Variants in HSP90AA1 observed in about 807,000 individuals in gnomAD.
HSP90AA1 encodes heat shock protein 90 alpha family class A member 1.
Under a neutral mutation model 73.3 loss-of-function variants are expected in HSP90AA1, and 18 were observed. The observed-to-expected ratio is 0.25, with a 90% CI of 0.17 to 0.36. HSP90AA1 has a LOEUF of 0.36. HSP90AA1 is among the 10% of genes least tolerant of loss of function. HSP90AA1 has a pLI of 1.00. For synonymous variants in HSP90AA1, 477 were observed against 296.9 expected (o/e 1.61, Z -6.24); for missense variants, 704 against 874.2 (o/e 0.81, Z 2.45).
intron 2 of HSP90AA1, among the ~76,000 whole-genome samples, chr14:102,093,194 T>TAA (rs199529961): frequency 5.9e-4 from 87 of 146,902 alleles, no homozygotes; most frequent in African/African-American, 1.4e-3. Flanking sequence ...AAAAGTAAAT[T>TAA]AAAAAATATA....
At chr14:102,114,178 T>C (rs182957819) in intron 1 of HSP90AA1, among the ~76,000 whole-genome samples, 1 of 151,634 alleles carries the variant, frequency 6.6e-6, no homozygotes, top group Non-Finnish European at 1.5e-5. Flanking sequence ...TTAGTAGAGA[T>C]GGGGTTCACC....
intron 1 of HSP90AA1, among the ~76,000 whole-genome samples, chr14:102,120,381 C>T (rs540860767): frequency 6.6e-6 from 1 of 152,054 alleles, no homozygotes; most frequent in South Asian, 2.1e-4. Context: ...GAAAAGAATA[C>T]AGATGATTAT....
In HSP90AA1 at chr14:102,100,666, C is replaced by T. The variant is rs549691619; in HGVS notation, c.366+1209G>A. ...TCTCAAACTCCCAACCTCAGGTGAT[C>T]TGCCCGCCTGGGCCTCCCAAACTGC... On this transcript the variant is annotated intron_variant, in intron 2 of 11. Coordinates refer to the HSP90AA1 transcript ENST00000334701. Among the ~76,000 whole-genome samples, 510 of 152,336 alleles carry T rather than the reference C, an allele frequency of 3.3e-3. 5 individuals are homozygous for T. The highest frequency in any genetic ancestry group is 0.012 in the African/African-American group (492 of 41,578).
intron 1 of HSP90AA1, among the ~76,000 whole-genome samples, chr14:102,110,053 C>G (rs2049618752): frequency 6.6e-6 from 1 of 152,104 alleles, no homozygotes; most frequent in Non-Finnish European, 1.5e-5. Flanking sequence ...TCTGCCTCAG[C>G]CTCCTGAGTA....
chr14:102,088,719 G>T (rs551015984), upstream of HSP90AA1, among the ~76,000 whole-genome samples: 14 of 152,158 alleles, frequency 9.2e-5, no homozygotes, highest in East Asian at 2.7e-3. Flanking sequence ...GCGGGTCGCT[G>T]AAGGGGCGCA....
chr14:102,098,709 G>T (rs1423394046), intron 2 of HSP90AA1, among the ~76,000 whole-genome samples: 1 of 151,610 alleles, frequency 6.6e-6, no homozygotes, highest in African/African-American at 2.4e-5. Context: ...TGATCTGCCT[G>T]CCTTGGTCCC....
At chr14:102,082,618 T>A in intron 9 of HSP90AA1, 174 bp from the exon 10 acceptor site, 1 of 636,950 alleles carries the variant, frequency 1.6e-6, no homozygotes, top group Non-Finnish European at 2.7e-6. Context: ...TTTCATGTTT[T>A]ACATGCACAA....
chr14:102,115,824 G>C (rs1018605036), intron 1 of HSP90AA1, among the ~76,000 whole-genome samples: 1 of 152,140 alleles, frequency 6.6e-6, no homozygotes, highest in African/African-American at 2.4e-5. Context: ...GTCTAGGCTA[G>C]CCTAGAACTT....
At chr14:102,113,316 G>A (rs763297468) in intron 1 of HSP90AA1, among the ~76,000 whole-genome samples, 19 of 149,718 alleles carry the variant, frequency 1.3e-4, no homozygotes, top group African/African-American at 3.2e-4. Flanking sequence ...GAGCCACCGC[G>A]CCCGGCTTGC....
At chr14:102,124,190 A>ATT (rs35232557) in intron 1 of HSP90AA1, among the ~76,000 whole-genome samples, 81,283 of 128,034 alleles carry the variant, frequency 0.63, 29,002 homozygotes, top group East Asian at 0.92. Flanking sequence ...TTGAATGCTA[A>ATT]TTTTTTTTTT....
chr14:102,119,847 T>C (rs1041943689), intron 1 of HSP90AA1, among the ~76,000 whole-genome samples: 6 of 152,150 alleles, frequency 3.9e-5, no homozygotes, highest in Non-Finnish European at 7.3e-5. Flanking sequence ...CGTGGAATGA[T>C]ATTTTGTTTT....
At chr14:102,085,121 T>C (rs1222772523) in intron 4 of HSP90AA1, 123 bp from the exon 5 acceptor site, 2 of 1,542,540 alleles carry the variant, frequency 1.3e-6, no homozygotes, top group South Asian at 1.1e-5. Flanking sequence ...ACCCAGCTTT[T>C]CATCAATATT....
At chr14:102,128,630 G>GAAAA (rs34691938) in intron 1 of HSP90AA1, among the ~76,000 whole-genome samples, 1 of 107,020 alleles carries the variant, frequency 9.3e-6, no homozygotes, top group African/African-American at 3.6e-5. Context: ...CTCCGTCTCG[G>GAAAA]AAAAAAAAAA....
chr14:102,138,584 A>G (rs541876353), intron 1 of HSP90AA1, among the ~76,000 whole-genome samples: 1 of 151,968 alleles, frequency 6.6e-6, no homozygotes, highest in South Asian at 2.1e-4. Flanking sequence ...CACAGTTTCT[A>G]TTGGTATCTA....
intron 1 of HSP90AA1, among the ~76,000 whole-genome samples, chr14:102,121,839 G>T (rs1287883597): frequency 6.6e-6 from 1 of 151,938 alleles, no homozygotes. Flanking sequence ...TTTCTACTGG[G>T]TTTTCTTTCT....
chr14:102,082,586 A>G, intron 9 of HSP90AA1, 142 bp from the exon 10 acceptor site: 2 of 696,204 alleles, frequency 2.9e-6, no homozygotes, highest in Non-Finnish European at 5.0e-6. Flanking sequence ...CGCATTAGGT[A>G]TCCAAAGAGC....
At chr14:102,087,666 C>T (rs1473306340), upstream of HSP90AA1, among the ~76,000 whole-genome samples, 4 of 152,190 alleles carry the variant, frequency 2.6e-5, no homozygotes, top group Admixed American at 2.0e-4. Flanking sequence ...CTGCTGCGCA[C>T]TGGGGAGGCT....
chr14:102,101,310 T>C (rs1448468424), intron 2 of HSP90AA1, among the ~76,000 whole-genome samples: 1 of 152,208 alleles, frequency 6.6e-6, no homozygotes, highest in African/African-American at 2.4e-5. Flanking sequence ...AGTGTGACTG[T>C]TCCTCCAATG....
chr14:102,085,154 G>C (rs547031785), intron 4 of HSP90AA1, 144 bp downstream of exon 4: 1 of 1,460,656 alleles, frequency 6.8e-7, no homozygotes, highest in Non-Finnish European at 9.5e-7. Context: ...TTAATAGCCC[G>C]AGGAACTTTT....
Sources: allele counts gnomAD v4.1 joint callset (sites outside exome capture counted in the v4.1 genomes callset), GRCh38; gene constraint gnomAD v4.1.1; transcripts MANE v1.5; gene names NCBI Gene and HGNC (gene_info 2026-07-23, HGNC 2026-07-21).